SEPTIN9: variants seen among roughly 807,000 people sequenced by gnomAD.
SEPTIN9 encodes the protein septin-9.
Under a neutral mutation model 56.6 loss-of-function variants are expected in SEPTIN9, and 13 were observed. The ratio of observed to expected loss-of-function variants is 0.23; its 90% confidence interval spans 0.15 to 0.37. The LOEUF is 0.37. Ranked by LOEUF, SEPTIN9 falls within the 10% of genes least tolerant of loss-of-function variation. The probability of loss-of-function intolerance (pLI) is 1.00; values close to 1 mark genes in which losing one functional copy is unlikely to be tolerated. For missense variants in SEPTIN9, 650 were observed against 823.1 expected, an observed-to-expected ratio of 0.79 and a Z score of 2.57; for synonymous variants, 332 against 334.1, an observed-to-expected ratio of 0.99 and a Z score of 0.07.
intron 1 of SEPTIN9, among the ~76,000 whole-genome samples, chr17:77,293,880 G>A (rs1475279751): frequency 2.0e-5 from 3 of 152,108 alleles, no homozygotes; most frequent in African/African-American, 7.2e-5. Context: ...AAGGCAGGTG[G>A]ATCACTTGAG....
chr17:77,402,006 A>C lies in SEPTIN9; in HGVS notation c.77-53A>C. 3.2e-6 allele frequency: 5 copies of C among 1,564,000 alleles called. No homozygotes were observed. The highest frequency in any genetic ancestry group is 3.4e-4 in the Middle Eastern group (2 of 5,880). On this transcript the variant is annotated intron_variant, in intron 2 of 11. Coordinates refer to ENST00000427177, the MANE Select transcript of SEPTIN9 (RefSeq NM_001113491.2). The surrounding 1 kb of genome is among the most constrained non-coding windows in gnomAD (Gnocchi z 6.6). Reference sequence around the variant, plus strand: ...TGCTCCTTAGCAGGAAACATGCCGGAGTGTTCCCTAGCCATCCATTCACCA... The same window carrying C: ...TGCTCCTTAGCAGGAAACATGCCGGCGTGTTCCCTAGCCATCCATTCACCA...
intron 10 of SEPTIN9, among the ~76,000 whole-genome samples, chr17:77,494,313 G>A (rs753029845): frequency 3.3e-5 from 5 of 152,220 alleles, no homozygotes; most frequent in Non-Finnish European, 5.9e-5. Flanking sequence ...GGATGGGCCC[G>A]AACGTTTCCT....
intron 1 of SEPTIN9, among the ~76,000 whole-genome samples, chr17:77,297,342 C>T (rs1254082958): frequency 6.6e-6 from 1 of 152,134 alleles, no homozygotes; most frequent in East Asian, 1.9e-4. Flanking sequence ...GGGAATTCAC[C>T]TTTTCTCTGC....
At chr17:77,363,558 T>C (rs1326032227) in intron 2 of SEPTIN9, among the ~76,000 whole-genome samples, 2 of 151,902 alleles carry the variant, frequency 1.3e-5, no homozygotes, top group Non-Finnish European at 2.9e-5. Flanking sequence ...CGGCTAATTT[T>C]TGTATTTTTA....
At chr17:77,293,075 G>A (rs910505422) in intron 1 of SEPTIN9, among the ~76,000 whole-genome samples, 1 of 151,970 alleles carries the variant, frequency 6.6e-6, no homozygotes, top group Non-Finnish European at 1.5e-5. Flanking sequence ...GAAGTGCAGT[G>A]GTGTGATCAC....
Position 77,421,197 on chromosome 17 carries a change from G to A in SEPTIN9, c.721+18494G>A, listed in dbSNP as rs1424492741. Among the ~76,000 whole-genome samples the A allele has an allele frequency of 2.6e-5, 4 of 152,214 alleles. No homozygotes were observed. The highest frequency in any genetic ancestry group is 1.9e-4 in the East Asian group (1 of 5,194). ...CTTCCAGCTCTTTCCTGTGTAAGGC[G>A]CCATGGGGTGAAATGAAAGAAAACC... On this transcript the variant is annotated intron_variant, in intron 3 of 11. Coordinates refer to ENST00000427177, the MANE Select transcript of SEPTIN9 (RefSeq NM_001113491.2). The surrounding 1 kb of genome is among the most constrained non-coding windows in gnomAD (Gnocchi z 4.6).
Position 77,487,531 on chromosome 17 carries a change from G to A in SEPTIN9, c.1021G>A (p.Glu341Lys), listed in dbSNP as rs368073599. The A allele has an allele frequency of 1.2e-6, 2 of 1,613,560 alleles. No individual in the cohort carries two copies. The highest frequency in any genetic ancestry group is 1.7e-5 in the Admixed American group (1 of 59,994). The change falls in exon 5 of 12, where the codon GAG becomes AAG. Residue 341 changes from glutamate (E) to lysine (K), a missense_variant. By Grantham distance (56) the Glu-to-Lys change is moderately conservative. Transcript: ENST00000427177. This position sits in a 1 kb window ranked among gnomAD's most constrained non-coding sequence, Gnocchi z 4.3. Reference protein sequence around the residue: ...TSEERIPKTIEIKSITHDIEE... With the variant: ...TSEERIPKTIKIKSITHDIEE... ...AGAGGAGCGCATCCCCAAGACCATCGAGATCAAGTCCATCACGCACGGTCA... is the reference window on the plus strand; with the variant it reads ...AGAGGAGCGCATCCCCAAGACCATCAAGATCAAGTCCATCACGCACGGTCA...
intron 3 of SEPTIN9, among the ~76,000 whole-genome samples, chr17:77,479,225 A>G (rs947826632): frequency 1.3e-5 from 2 of 152,240 alleles, no homozygotes; most frequent in African/African-American, 2.4e-5. Flanking sequence ...CAGGCCTCGG[A>G]CGGTGTCGTG....
chr17:77,343,396 C>A (rs190478584), intron 2 of SEPTIN9, among the ~76,000 whole-genome samples: 137 of 152,268 alleles, frequency 9.0e-4, no homozygotes, highest in Non-Finnish European at 9.3e-4. Context: ...GGGCAGTGTA[C>A]CCTCCCGTGG....
rs1439878592 is a variant in SEPTIN9 at position 77,319,925 on chromosome 17, C to T, written c.76+12728C>T. The T allele has an allele frequency of 1.7e-5, 19 of 1,120,902 alleles. 1 individual carries two copies. The South Asian group carries it at 2.5e-4, about 15-fold the overall frequency. 69.4% of individuals were successfully genotyped at this position (1,120,902 alleles called of 1,614,324 possible). A position where few individuals can be genotyped will look rare whatever the true frequency, so the allele number is the denominator to read the frequency against. On this transcript the variant is annotated intron_variant, in intron 2 of 11. Coordinates refer to ENST00000427177, the MANE Select transcript of SEPTIN9 (RefSeq NM_001113491.2). This position sits in a 1 kb window ranked among gnomAD's most constrained non-coding sequence, Gnocchi z 5.3. The stretch of plus-strand genomic sequence containing the variant: ...AGAGGAGGCTGCCGGAAGCCGCACT[C>T]GGGACCTCTGCAGCCACCGACCAGA...
chr17:77,487,658 TG>T lies in SEPTIN9; in HGVS notation c.1042+111del. ...ACACAGTCAGTGGCCAGGGGCGGGC[TG>T]GGGGTGCAGGACTCCTCTGCCTTCC... On this transcript the variant is annotated intron_variant, in intron 5 of 11. Transcript: ENST00000427177. This position sits in a 1 kb window ranked among gnomAD's most constrained non-coding sequence, Gnocchi z 4.3. The T allele has an allele frequency of 1.1e-6, 1 of 875,520 alleles. No individual in the cohort carries two copies. The highest frequency in any genetic ancestry group is 1.6e-6 in the Non-Finnish European group (1 of 630,676). 54.2% of individuals were successfully genotyped at this position (875,520 alleles called of 1,614,324 possible).
In SEPTIN9 at chr17:77,492,892, C is replaced by T; in HGVS notation, c.1477-88C>T. The stretch of plus-strand genomic sequence containing the variant: ...TGAGGCTCTCGTTTTTGGGGGACCC[C>T]AGGCTCAGGGCAGCTCCTCCCGGGG... On this transcript the variant is annotated intron_variant, in intron 9 of 11. Transcript: ENST00000427177. This position sits in a 1 kb window ranked among gnomAD's most constrained non-coding sequence, Gnocchi z 5.4. 1 of 1,353,216 alleles carries T rather than the reference C, an allele frequency of 7.4e-7. No homozygotes were observed. The highest frequency in any genetic ancestry group is 1.0e-6 in the Non-Finnish European group (1 of 962,870). The allele number at this position is 1,353,216 out of a possible 1,614,324, so 83.8% of individuals were successfully genotyped here.
Position 77,310,483 on chromosome 17 carries a change from G to C in SEPTIN9, c.76+3286G>C, listed in dbSNP as rs963255391. On this transcript the variant is annotated intron_variant, in intron 2 of 11. Transcript: ENST00000427177. The surrounding 1 kb of genome is among the most constrained non-coding windows in gnomAD (Gnocchi z 4.7). Reference sequence around the variant, plus strand: ...TGGTTCACTTATTTTGGCAGCTAGCGAGTGTTCCTCTGTGTGGGGAGGCAG... The same window carrying C: ...TGGTTCACTTATTTTGGCAGCTAGCCAGTGTTCCTCTGTGTGGGGAGGCAG... Among the ~76,000 whole-genome samples, 29 of 152,314 alleles carry C rather than the reference G, an allele frequency of 1.9e-4. No individual in the cohort carries two copies. The highest frequency in any genetic ancestry group is 5.8e-4 in the African/African-American group (24 of 41,572).
At position 77,368,883 on chromosome 17, in the gene SEPTIN9, C is replaced by T. The variant is rs7209637; in HGVS notation, c.77-33176C>T. On this transcript the variant is annotated intron_variant, in intron 2 of 11. Transcript: ENST00000427177. ...TGAGGTTGTATTTGTATGATAGAAA[C>T]ACTATATTCGTGGTGACTAAACATC... Among the ~76,000 whole-genome samples the T allele has an allele frequency of 4.4e-3, 674 of 152,230 alleles. 3 individuals are homozygous for T. Among genetic ancestry groups the T allele is most frequent in the African/African-American group, 0.016 (650 of 41,524 alleles).
rs534566587 is a variant in SEPTIN9 at position 77,373,112 on chromosome 17, G to A, written c.77-28947G>A. ...CCGCGTCTCTCGCCGTCCCCTGGGC[G>A]CGGGCCAGGCGGGGAGGAGGGGGGC... On this transcript the variant is annotated intron_variant, in intron 2 of 11. Coordinates refer to ENST00000427177, the MANE Select transcript of SEPTIN9 (RefSeq NM_001113491.2). 656 of 855,986 alleles carry A rather than the reference G, an allele frequency of 7.7e-4. 4 individuals carry two copies. The African/African-American group carries it at 0.011, about 14-fold the overall frequency. 53.0% of individuals were successfully genotyped at this position (855,986 alleles called of 1,614,324 possible).
rs1055814482 is a variant in SEPTIN9, at chr17:77,330,683, C to T, written c.76+23486C>T. On this transcript the variant is annotated intron_variant, in intron 2 of 11. Transcript: ENST00000427177. The surrounding 1 kb of genome is among the most constrained non-coding windows in gnomAD (Gnocchi z 4.4). The stretch of plus-strand genomic sequence containing the variant: ...CTAAAGCCTGCTGTCAGGAGCCTCG[C>T]TTGCCTCTCAGAGAGCACATGGCTT... 2.6e-5 allele frequency among the ~76,000 whole-genome samples: 4 copies of T among 152,242 alleles called. No homozygotes were observed. Among genetic ancestry groups the T allele is most frequent in the Non-Finnish European group, 5.9e-5 (4 of 68,038 alleles).
chr17:77,411,846 TCTG>T (rs1420427109), intron 3 of SEPTIN9, among the ~76,000 whole-genome samples: 5 of 152,224 alleles, frequency 3.3e-5, no homozygotes, highest in Admixed American at 2.0e-4. Context: ...TAAGTTTTGA[TCTG>T]CTGGGCACAG....
At position 77,329,252 on chromosome 17, in the gene SEPTIN9, A is replaced by C. The variant is rs1458581493; in HGVS notation, c.76+22055A>C. ...CTGCAGGCCCTGCAGCTGGAGAGGG[A>C]GGATCAGGATCTCTTTAGAGAGGAA... On this transcript the variant is annotated intron_variant, in intron 2 of 11. Transcript: ENST00000427177. This position sits in a 1 kb window ranked among gnomAD's most constrained non-coding sequence, Gnocchi z 4.3. Among the ~76,000 whole-genome samples, 1 of 152,070 alleles carries C rather than the reference A, an allele frequency of 6.6e-6. No individual in the cohort carries two copies. Among genetic ancestry groups the C allele is most frequent in the Non-Finnish European group, 1.5e-5 (1 of 68,002 alleles).
intron 2 of SEPTIN9, among the ~76,000 whole-genome samples, chr17:77,336,880 T>G (rs866769495): frequency 6.4e-4 from 98 of 152,228 alleles, no homozygotes; most frequent in African/African-American, 2.2e-3. Context: ...TGCTGAAATT[T>G]TTTAACATGA....
Sources: gnomAD v4.1 joint callset for allele counts (sites outside exome capture counted in the v4.1 genomes callset) on GRCh38, gnomAD v4.1.1 for gene constraint, Gnocchi (gnomAD v3.1) non-coding constraint, MANE v1.5 for transcripts, NCBI Gene and HGNC (gene_info 2026-07-23, HGNC 2026-07-21) for gene names.